DNAH8: variants seen among roughly 807,000 people sequenced by gnomAD.
DNAH8 encodes axonemal beta dynein heavy chain 8.
Under a neutral mutation model 562.1 loss-of-function variants are expected in DNAH8, and 382 were observed. That is an observed-to-expected ratio of 0.68 (90% confidence interval 0.63 to 0.74). The LOEUF (loss-of-function observed/expected upper bound fraction) is 0.74. Among genes scored for constraint, DNAH8 ranks in the 30% least tolerant of loss-of-function variants. The pLI, the probability that DNAH8 is intolerant of heterozygous loss-of-function variation, is 0.00. For missense variants in DNAH8, 5,203 were observed against 5,620.4 expected (o/e 0.93, Z 2.37); for synonymous variants, 1,881 against 1,919.4 (o/e 0.98, Z 0.52).
In DNAH8 at chr6:38,984,339, A is replaced by G. The variant is rs1039711138; in HGVS notation, c.13053+32A>G. The G allele has an allele frequency of 8.5e-6, 12 of 1,404,314 alleles. No individual in the cohort carries two copies. In the Admixed American group the frequency reaches 1.2e-4, roughly 14 times the overall value. 87.0% of individuals were successfully genotyped at this position (1,404,314 alleles called of 1,614,324 possible). ...CAATTTAGAAAAATAAAGTTTGGAG[A>G]CACATTTCACTGTATTTTCCAATTT... On this transcript the variant is annotated intron_variant, in intron 87 of 92. Coordinates refer to ENST00000327475, the MANE Select transcript of DNAH8 (RefSeq NM_001206927.2).
At chr6:38,871,432 A>C (rs1777458414) in intron 49 of DNAH8, among the ~76,000 whole-genome samples, 1 of 152,192 alleles carries the variant, frequency 6.6e-6, no homozygotes, top group South Asian at 2.1e-4. Flanking sequence ...GAGTTTTAAA[A>C]TTCTTGCCAT....
Position 38,926,109 on chromosome 6 carries a change from G to C in DNAH8, c.11017G>C (p.Gly3673Arg). 6.2e-7 allele frequency: 1 copy of C among 1,613,670 alleles called. No individual in the cohort carries two copies. The highest frequency in any genetic ancestry group is 8.5e-7 in the Non-Finnish European group (1 of 1,179,778). ...LPGDDLSIQNGIIVTKATRYP... is the reference protein window; with the variant it reads ...LPGDDLSIQNRIIVTKATRYP... ...AGGAGATGATCTCTCAATTCAGAATGGCATTATTGTGACAAAGGCCACCAG... is the reference window on the plus strand; with the variant it reads ...AGGAGATGATCTCTCAATTCAGAATCGCATTATTGTGACAAAGGCCACCAG... The change falls in exon 74 of 93, where the codon GGC becomes CGC. Residue 3673 changes from glycine (G) to arginine (R), a missense_variant. By Grantham distance (125) the Gly-to-Arg change is moderately radical. Coordinates refer to ENST00000327475, the MANE Select transcript of DNAH8 (RefSeq NM_001206927.2).
intron 4 of DNAH8, among the ~76,000 whole-genome samples, chr6:38,731,620 C>T (rs2127575209): frequency 6.6e-6 from 1 of 152,268 alleles, no homozygotes; most frequent in South Asian, 2.1e-4. Context: ...GGGAAATTGC[C>T]AGAGCAAAGG....
chr6:38,855,698 G>C (rs1776140212), intron 41 of DNAH8, among the ~76,000 whole-genome samples: 1 of 152,078 alleles, frequency 6.6e-6, no homozygotes. Flanking sequence ...CTTAACTATA[G>C]TTATCCTACA....
chr6:38,777,017 C>A (rs796557237), intron 13 of DNAH8, among the ~76,000 whole-genome samples: 14 of 152,246 alleles, frequency 9.2e-5, no homozygotes, highest in African/African-American at 3.4e-4. Flanking sequence ...TTAAAAAATT[C>A]TTTAAAAACT....
chr6:38,746,545 A>G (rs1230297726), intron 8 of DNAH8, among the ~76,000 whole-genome samples: 2 of 151,098 alleles, frequency 1.3e-5, no homozygotes, highest in African/African-American at 4.9e-5. Context: ...GGAATCATTT[A>G]TAATGAATTT....
intron 57 of DNAH8, among the ~76,000 whole-genome samples, chr6:38,889,930 A>G (rs1032285104): frequency 1.3e-5 from 2 of 152,122 alleles, no homozygotes; most frequent in African/African-American, 4.8e-5. Flanking sequence ...AACTGAACAC[A>G]CTCTGCAGTG....
At chr6:38,751,350 C>A (rs904203725) in intron 9 of DNAH8, among the ~76,000 whole-genome samples, 21 of 152,200 alleles carry the variant, frequency 1.4e-4, no homozygotes, top group African/African-American at 4.8e-4. Context: ...TCTGAAGTGA[C>A]AGCCCATCAT....
chr6:38,860,351 A>T (rs894026936), intron 42 of DNAH8, 106 bp from the exon 43 acceptor site: 1 of 552,254 alleles, frequency 1.8e-6, no homozygotes, highest in African/African-American at 2.0e-5. Context: ...ATATTTGTTA[A>T]TAAGAATCAG....
chr6:38,965,551 G>C (rs1028750704), intron 82 of DNAH8, among the ~76,000 whole-genome samples: 2 of 152,172 alleles, frequency 1.3e-5, no homozygotes, highest in Admixed American at 6.5e-5. Flanking sequence ...AAAAGTGGAA[G>C]AGACACAAGC....
At chr6:38,948,635 C>T (rs1761627413) in intron 80 of DNAH8, among the ~76,000 whole-genome samples, 1 of 152,166 alleles carries the variant, frequency 6.6e-6, no homozygotes, top group Non-Finnish European at 1.5e-5. Context: ...TGTACTGTGG[C>T]TTTTTTAAAA....
chr6:38,843,435 T>G (rs151171226), intron 35 of DNAH8, among the ~76,000 whole-genome samples: 2 of 152,170 alleles, frequency 1.3e-5, no homozygotes, highest in African/African-American at 4.8e-5. Context: ...TTCCCAGATC[T>G]GTAGGTTTCA....
intron 91 of DNAH8, among the ~76,000 whole-genome samples, chr6:39,025,752 A>G (rs1415364182): frequency 6.6e-6 from 1 of 152,240 alleles, no homozygotes; most frequent in East Asian, 1.9e-4. Flanking sequence ...AATTTTACTC[A>G]TTGGAGAGCT....
In DNAH8 at chr6:38,734,785, G is replaced by A. The variant is rs1698995; in HGVS notation, c.762+160G>A. ...ATTAAAAAAAACTGAGAAATTGACT[G>A]TAATAGAGCTTAGTTATATTGATAT... is the stretch of plus-strand genomic sequence containing the variant. On this transcript the variant is annotated intron_variant, in intron 5 of 92. Transcript: ENST00000327475. Among the ~76,000 whole-genome samples, 39,660 of 151,950 alleles carry A rather than the reference G, an allele frequency of 0.26. 6,049 individuals are homozygous for A. The highest frequency in any genetic ancestry group is 0.35 in the Middle Eastern group (103 of 292).
intron 49 of DNAH8, among the ~76,000 whole-genome samples, chr6:38,872,205 A>C (rs1255596102): frequency 6.6e-6 from 1 of 152,202 alleles, no homozygotes; most frequent in Non-Finnish European, 1.5e-5. Flanking sequence ...ATGCCGAGAA[A>C]GTTTGCGCAT....
intron 8 of DNAH8, chr6:38,744,412 G>A (rs934338312): frequency 1.3e-5 from 2 of 151,882 alleles, no homozygotes; most frequent in Non-Finnish European, 2.9e-5. Flanking sequence ...AAAATTTTTG[G>A]GGGGCCAACC....
At chr6:38,981,303 G>T (rs918088385) in intron 85 of DNAH8, among the ~76,000 whole-genome samples, 1 of 152,126 alleles carries the variant, frequency 6.6e-6, no homozygotes, top group Admixed American at 6.6e-5. Context: ...ATCTATGTGG[G>T]TTGTTGGATC....
At chr6:38,967,344 T>A (rs1190345028) in intron 82 of DNAH8, among the ~76,000 whole-genome samples, 1 of 151,528 alleles carries the variant, frequency 6.6e-6, no homozygotes, top group Non-Finnish European at 1.5e-5. Flanking sequence ...GAAGTAAAAC[T>A]GCCTCTATGA....
intron 79 of DNAH8, among the ~76,000 whole-genome samples, chr6:38,943,266 CAT>C (rs1344411855): frequency 1.3e-5 from 2 of 152,140 alleles, no homozygotes; most frequent in African/African-American, 4.8e-5. Flanking sequence ...TTAAACAAAA[CAT>C]AACATTTGTT....
Sources: gnomAD v4.1 joint callset for allele counts (sites outside exome capture counted in the v4.1 genomes callset) on GRCh38, gnomAD v4.1.1 for gene constraint, MANE v1.5 for transcripts, NCBI Gene and HGNC (gene_info 2026-07-23, HGNC 2026-07-21) for gene names.